The following RMDN1 variants were observed in gnomAD, a reference collection of about 807,000 sequenced individuals.
RMDN1 encodes the protein regulator of microtubule dynamics 1.
In RMDN1, 48 loss-of-function variants were observed where a neutral mutation model predicts 48.9. That is an observed-to-expected ratio of 0.98 (90% CI 0.78 to 1.25). The LOEUF (loss-of-function observed/expected upper bound fraction) is 1.25, where lower values mean the gene tolerates loss of function less well. Among genes scored for constraint, RMDN1 ranks in the 50% most tolerant of loss-of-function variants. The pLI is 0.00. For synonymous variants in RMDN1, 148 were observed against 132.6 expected, an observed-to-expected ratio of 1.12 and a Z score of -0.80; for missense variants, 418 against 373.4, an observed-to-expected ratio of 1.12 and a Z score of -0.98.
intron 2 of RMDN1, chr8:86,503,607 T>A (rs1440696737): frequency 1.4e-5 from 7 of 486,360 alleles, no homozygotes; most frequent in Non-Finnish European, 2.1e-5. Context: ...CCAGCTCTGA[T>A]CGTTGCCATT....
chr8:86,474,707 T>G lies in RMDN1; in HGVS notation c.894+113A>C, dbSNP rs561444416. On this transcript the variant is annotated intron_variant, in intron 9 of 9. Transcript: ENST00000406452. ...CAATTTACACTTGAAATGAACACACTTGTTTTCAACAATATTATGCATTTA... is the reference window on the plus strand; with the variant it reads ...CAATTTACACTTGAAATGAACACACGTGTTTTCAACAATATTATGCATTTA... The G allele has an allele frequency of 3.8e-5, 38 of 998,306 alleles. No homozygotes were observed. The South Asian group carries it at 5.0e-4, about 13-fold the overall frequency. The allele number at this position is 998,306 out of a possible 1,614,324, so 61.8% of individuals were successfully genotyped here. A position where few individuals can be genotyped will look rare whatever the true frequency, so the allele number is the denominator to read the frequency against.
At chr8:86,504,316 G>T in intron 2 of RMDN1, 1 of 1,579,872 alleles carries the variant, frequency 6.3e-7, no homozygotes, top group South Asian at 1.1e-5. Context: ...GATGCAAGAT[G>T]AGAGTGCAAG....
intron 2 of RMDN1, among the ~76,000 whole-genome samples, chr8:86,494,542 C>CGA (rs1252555279): frequency 6.6e-6 from 1 of 152,102 alleles, no homozygotes; most frequent in Non-Finnish European, 1.5e-5. Context: ...GGTGACAGAG[C>CGA]GAGACTCTGT....
intron 2 of RMDN1, among the ~76,000 whole-genome samples, chr8:86,506,187 T>C (rs577901530): frequency 2.1e-3 from 314 of 152,310 alleles, no homozygotes; most frequent in African/African-American, 7.2e-3. Flanking sequence ...AATAATCAGT[T>C]CTTGGTAGAG....
At chr8:86,503,371 C>CAAAAA (rs1182231210) in intron 2 of RMDN1, among the ~76,000 whole-genome samples, 6 of 67,994 alleles carry the variant, frequency 8.8e-5, no homozygotes, top group African/African-American at 4.0e-4. Context: ...CAAAACAAAA[C>CAAAAA]AAAAAAAAAA....
intron 7 of RMDN1, 45 bp downstream of exon 7, chr8:86,478,878 G>A: frequency 1.4e-6 from 2 of 1,452,726 alleles, no homozygotes; most frequent in Non-Finnish European, 1.9e-6. Context: ...GAATGGCGCT[G>A]TGGTTAAGAA....
intron 2 of RMDN1, among the ~76,000 whole-genome samples, chr8:86,501,280 A>G (rs1818173967): frequency 6.6e-6 from 1 of 152,226 alleles, no homozygotes; most frequent in South Asian, 2.1e-4. Flanking sequence ...CTTTCAAAGT[A>G]CTGAATTTTG....
chr8:86,481,554 ATTT>A (rs1814437045), intron 5 of RMDN1, among the ~76,000 whole-genome samples: 2 of 127,618 alleles, frequency 1.6e-5, no homozygotes, highest in Admixed American at 9.1e-5. Context: ...GGTTTAATTA[ATTT>A]TCCTTTTTTT....
At chr8:86,480,775 G>T (rs1239712642) in intron 5 of RMDN1, among the ~76,000 whole-genome samples, 1 of 152,016 alleles carries the variant, frequency 6.6e-6, no homozygotes, top group Non-Finnish European at 1.5e-5. Context: ...TAGAAAAAAT[G>T]TAATTTTAGA....
At chr8:86,496,789 A>C (rs1163480946) in intron 2 of RMDN1, among the ~76,000 whole-genome samples, 1 of 152,168 alleles carries the variant, frequency 6.6e-6, no homozygotes, top group Non-Finnish European at 1.5e-5. Context: ...TCAAATGGAC[A>C]TTAACAGACA....
intron 2 of RMDN1, among the ~76,000 whole-genome samples, chr8:86,491,513 G>A (rs902287897): frequency 3.3e-5 from 5 of 152,162 alleles, no homozygotes; most frequent in African/African-American, 7.2e-5. Context: ...CCACATATCC[G>A]CAAATCAGTT....
At position 86,477,413 on chromosome 8, in the gene RMDN1, A is replaced by G. The variant is rs1364650534; in HGVS notation, c.730-89T>C. Reference sequence around the variant, plus strand: ...CATTGTCTCAAAGATCTACTGCTATATTATATTTAAGTCAGGAAGTAAATC... The same window carrying G: ...CATTGTCTCAAAGATCTACTGCTATGTTATATTTAAGTCAGGAAGTAAATC... On this transcript the variant is annotated intron_variant, in intron 7 of 9. Coordinates refer to ENST00000406452, the MANE Select transcript of RMDN1 (RefSeq NM_016033.3). 27 of 1,019,324 alleles carry G rather than the reference A, an allele frequency of 2.6e-5. No homozygotes were observed. In the East Asian group the frequency reaches 6.1e-4, roughly 23 times the overall value. 63.1% of individuals were successfully genotyped at this position (1,019,324 alleles called of 1,614,324 possible).
Position 86,472,655 on chromosome 8 carries a change from A to C in RMDN1, c.*1653T>G. ...TTTTTCACTGTATCAGTGGTGTGTCATATTTTTTTTTTTGCCATCCTTGTT... is the reference window on the plus strand; with the variant it reads ...TTTTTCACTGTATCAGTGGTGTGTCCTATTTTTTTTTTTGCCATCCTTGTT... On this transcript the variant is annotated 3_prime_UTR_variant, in exon 10 of 10. Transcript: ENST00000406452. The C allele has an allele frequency of 1.8e-6, 1 of 561,710 alleles. No homozygotes were observed. The highest frequency in any genetic ancestry group is 3.1e-6 in the Non-Finnish European group (1 of 319,118). 34.8% of individuals were successfully genotyped at this position (561,710 alleles called of 1,614,324 possible). A position where few individuals can be genotyped will look rare whatever the true frequency, so the allele number is the denominator to read the frequency against.
intron 2 of RMDN1, among the ~76,000 whole-genome samples, chr8:86,494,146 A>G (rs1483347900): frequency 6.6e-6 from 1 of 152,220 alleles, no homozygotes; most frequent in East Asian, 1.9e-4. Flanking sequence ...ACAGCATGAT[A>G]ACCATAGTTA....
downstream of RMDN1, among the ~76,000 whole-genome samples, chr8:86,471,017 T>C (rs972106518): frequency 6.6e-6 from 1 of 152,258 alleles, no homozygotes; most frequent in East Asian, 1.9e-4. Context: ...CACAAGAGCA[T>C]TTAAAAGTGG....
At position 86,506,983 on chromosome 8, in the gene RMDN1, A is replaced by C. The variant is rs953905645; in HGVS notation, c.247+12T>G. The C allele has an allele frequency of 4.1e-6, 6 of 1,454,252 alleles. No individual in the cohort carries two copies. The African/African-American group carries it at 8.5e-5, about 20-fold the overall frequency. 90.1% of individuals were successfully genotyped at this position (1,454,252 alleles called of 1,614,324 possible). A position where few individuals can be genotyped will look rare whatever the true frequency, so the allele number is the denominator to read the frequency against. ...AAACTCTAAATGTTCCATATATCTAATTTATGCTTACCTTTGGCTGTGGCA... is the reference window on the plus strand; with the variant it reads ...AAACTCTAAATGTTCCATATATCTACTTTATGCTTACCTTTGGCTGTGGCA... On this transcript the variant is annotated intron_variant, in intron 2 of 9. Transcript: ENST00000406452.
intron 2 of RMDN1, among the ~76,000 whole-genome samples, chr8:86,502,747 A>C (rs1447148266): frequency 6.6e-6 from 1 of 152,182 alleles, no homozygotes; most frequent in Non-Finnish European, 1.5e-5. Context: ...TTGTCACTAT[A>C]AAGCAGGGAT....
At chr8:86,495,225 G>T (rs1488970144) in intron 2 of RMDN1, among the ~76,000 whole-genome samples, 1 of 152,130 alleles carries the variant, frequency 6.6e-6, no homozygotes, top group African/African-American at 2.4e-5. Flanking sequence ...GCATGGGGTT[G>T]CCAAGCACCA....
chr8:86,473,159 G>T lies in RMDN1; in HGVS notation c.*1149C>A, dbSNP rs1134059. The T allele has an allele frequency of 1.0e-6, 1 of 985,258 alleles. No homozygotes were observed. Among genetic ancestry groups the T allele is most frequent in the Non-Finnish European group, 1.2e-6 (1 of 829,844 alleles). 61.0% of individuals were successfully genotyped at this position (985,258 alleles called of 1,614,324 possible). On this transcript the variant is annotated 3_prime_UTR_variant, in exon 10 of 10. Coordinates refer to ENST00000406452, the MANE Select transcript of RMDN1 (RefSeq NM_016033.3). ...ATCACTACTTTCAGTTTTCCTTTTTGTTTGAAAATGTACATGACAAACATA... is the reference window on the plus strand; with the variant it reads ...ATCACTACTTTCAGTTTTCCTTTTTTTTTGAAAATGTACATGACAAACATA...
Sources: allele counts gnomAD v4.1 joint callset (sites outside exome capture counted in the v4.1 genomes callset), GRCh38; gene constraint gnomAD v4.1.1; transcripts MANE v1.5; gene names NCBI Gene and HGNC (gene_info 2026-07-23, HGNC 2026-07-21).